The following DPP10 variants were observed in gnomAD, a reference collection of about 807,000 sequenced individuals.
The protein encoded by DPP10 is inactive dipeptidyl peptidase 10.
DPP10 carries 33 observed loss-of-function variants against 120.9 expected under a neutral mutation model. That is an observed-to-expected ratio of 0.27 (90% CI 0.21 to 0.37). The LOEUF (loss-of-function observed/expected upper bound fraction) is 0.37. Ranked by LOEUF, DPP10 falls within the 10% of genes least tolerant of loss-of-function variation. The pLI, the probability that DPP10 is intolerant of heterozygous loss-of-function variation, is 1.00. For synonymous variants in DPP10, 337 were observed against 326.1 expected, an observed-to-expected ratio of 1.03 and a Z score of -0.36; for missense variants, 816 against 942.8, an observed-to-expected ratio of 0.87 and a Z score of 1.76.
At chr2:114,580,833 C>T (rs964479787) in intron 1 of DPP10, among the ~76,000 whole-genome samples, 1 of 151,310 alleles carries the variant, frequency 6.6e-6, no homozygotes, top group Non-Finnish European at 1.5e-5. Flanking sequence ...CACTCTTTGT[C>T]AAACTGTTTC....
At chr2:114,605,409 A>G (rs1465940425) in intron 1 of DPP10, among the ~76,000 whole-genome samples, 1 of 152,128 alleles carries the variant, frequency 6.6e-6, no homozygotes, top group Non-Finnish European at 1.5e-5. Context: ...GAAAACCTTC[A>G]TGTTGTTCCA....
chr2:114,941,672 C>A (rs1431357276), intron 1 of DPP10, among the ~76,000 whole-genome samples: 1 of 152,106 alleles, frequency 6.6e-6, no homozygotes, highest in Non-Finnish European at 1.5e-5. Flanking sequence ...GAGATTAATT[C>A]AATGTCATGA....
At position 114,712,739 on chromosome 2, in the gene DPP10, A is replaced by C. The variant is rs936081954; in HGVS notation, c.60+269901A>C. On this transcript the variant is annotated intron_variant, in intron 1 of 25. Coordinates refer to ENST00000410059, the MANE Select transcript of DPP10 (RefSeq NM_020868.6). The stretch of plus-strand genomic sequence containing the variant: ...ATATACATCAGCCATTACCCTAGCC[A>C]CTAGAAATATCCATTTTAATTATTT... 2.0e-5 allele frequency among the ~76,000 whole-genome samples: 3 copies of C among 152,324 alleles called. No individual in the cohort carries two copies. The South Asian group carries it at 6.2e-4, about 32-fold the overall frequency.
At chr2:114,792,623 T>C (rs1001191603) in intron 1 of DPP10, among the ~76,000 whole-genome samples, 1 of 152,194 alleles carries the variant, frequency 6.6e-6, no homozygotes, top group African/African-American at 2.4e-5. Flanking sequence ...ACACAAACAA[T>C]ATTGTTTAGG....
At chr2:115,761,000 G>C (rs1680047009) in intron 11 of DPP10, among the ~76,000 whole-genome samples, 1 of 151,478 alleles carries the variant, frequency 6.6e-6, no homozygotes, top group African/African-American at 2.4e-5. Context: ...AGGATGCTGA[G>C]GCAGGAGAAT....
chr2:114,901,941 T>C (rs1373993273), intron 1 of DPP10, among the ~76,000 whole-genome samples: 1 of 152,228 alleles, frequency 6.6e-6, no homozygotes, highest in Non-Finnish European at 1.5e-5. Context: ...GCAAAGATTA[T>C]GGCAACAGCT....
At chr2:114,994,987 A>T (rs537416304) in intron 1 of DPP10, among the ~76,000 whole-genome samples, 116 of 152,302 alleles carry the variant, frequency 7.6e-4, no homozygotes, top group Non-Finnish European at 1.2e-3. Context: ...ATGTTCCTTC[A>T]CGGTGTCTGG....
intron 1 of DPP10, among the ~76,000 whole-genome samples, chr2:114,983,331 T>G (rs1700200317): frequency 6.6e-6 from 1 of 152,220 alleles, no homozygotes; most frequent in Admixed American, 6.5e-5. Context: ...TGCCATATTA[T>G]GAAAGCTCTT....
Position 115,844,882 on chromosome 2 carries a change from G to A in DPP10, c.*2537G>A, listed in dbSNP as rs1690492974. 6.6e-6 allele frequency: 1 copy of A among 152,048 alleles called. No homozygotes were observed. The highest frequency in any genetic ancestry group is 6.6e-5 in the Admixed American group (1 of 15,266). The allele number at this position is 152,048 out of a possible 1,614,324, so 9.4% of individuals were successfully genotyped here. A position where few individuals can be genotyped will look rare whatever the true frequency, so the allele number is the denominator to read the frequency against. On this transcript the variant is annotated 3_prime_UTR_variant, in exon 26 of 26. Transcript: ENST00000410059. ...TGTTCACTTTCATTGCCTTCATTAAGATCTCCAAATACTCAGAGACTAAGC... is the reference window on the plus strand; with the variant it reads ...TGTTCACTTTCATTGCCTTCATTAAAATCTCCAAATACTCAGAGACTAAGC...
intron 3 of DPP10, among the ~76,000 whole-genome samples, chr2:115,417,386 G>A (rs1276948564): frequency 6.6e-6 from 1 of 152,080 alleles, no homozygotes; most frequent in East Asian, 1.9e-4. Flanking sequence ...ACTCAATTTG[G>A]AGGAAATTAG....
intron 1 of DPP10, among the ~76,000 whole-genome samples, chr2:114,561,609 A>G (rs1211382915): frequency 6.6e-6 from 1 of 151,442 alleles, no homozygotes; most frequent in Non-Finnish European, 1.5e-5. Context: ...TAGAGAAAAA[A>G]TCCACCTCCT....
chr2:115,350,225 G>A (rs893100817), intron 3 of DPP10, among the ~76,000 whole-genome samples: 2 of 152,026 alleles, frequency 1.3e-5, no homozygotes, highest in East Asian at 3.9e-4. Context: ...TATATTAATT[G>A]AAAATAGCAC....
intron 1 of DPP10, among the ~76,000 whole-genome samples, chr2:114,559,548 A>C (rs1206577680): frequency 1.3e-5 from 2 of 152,210 alleles, no homozygotes; most frequent in Non-Finnish European, 2.9e-5. Context: ...AATTTGTCAC[A>C]TAAGCAACAG....
intron 1 of DPP10, among the ~76,000 whole-genome samples, chr2:114,508,672 G>A (rs1683880212): frequency 6.6e-6 from 1 of 152,014 alleles, no homozygotes; most frequent in South Asian, 2.1e-4. Flanking sequence ...TCTTCTCCTT[G>A]CCTCTAGTGA....
intron 1 of DPP10, among the ~76,000 whole-genome samples, chr2:115,030,176 T>G (rs1454711207): frequency 1.3e-5 from 2 of 152,202 alleles, no homozygotes; most frequent in Non-Finnish European, 2.9e-5. Flanking sequence ...AACTAATTTT[T>G]TTTTTTTTTA....
intron 1 of DPP10, among the ~76,000 whole-genome samples, chr2:114,940,224 T>C (rs1003902021): frequency 7.2e-5 from 11 of 152,270 alleles, no homozygotes; most frequent in African/African-American, 2.4e-4. Context: ...ATCAAGCCTA[T>C]AACTGTAACA....
intron 5 of DPP10, among the ~76,000 whole-genome samples, chr2:115,617,289 T>TATATATATATATATATATAC (rs67359999): frequency 4.7e-4 from 64 of 136,518 alleles, no homozygotes; most frequent in South Asian, 4.0e-3. Context: ...TATATATATA[T>TATATATATATATATATATAC]ACACACATAG....
intron 1 of DPP10, among the ~76,000 whole-genome samples, chr2:114,541,854 C>T (rs1165414636): frequency 4.0e-5 from 6 of 151,834 alleles, no homozygotes; most frequent in Non-Finnish European, 8.8e-5. Flanking sequence ...CAGAAAAAGA[C>T]TAGAAGTGAA....
At chr2:115,632,853 G>A (rs1239508582) in intron 5 of DPP10, among the ~76,000 whole-genome samples, 2 of 152,166 alleles carry the variant, frequency 1.3e-5, no homozygotes, top group African/African-American at 4.8e-5. Context: ...CTGGCCATCA[G>A]AGAAATGCAA....
Sources: gnomAD v4.1 joint callset for allele counts (sites outside exome capture counted in the v4.1 genomes callset) on GRCh38, gnomAD v4.1.1 for gene constraint, MANE v1.5 for transcripts, NCBI Gene and HGNC (gene_info 2026-07-23, HGNC 2026-07-21) for gene names.